The following PIK3C2G variants were observed in gnomAD, a reference collection of about 807,000 sequenced individuals.
PIK3C2G encodes phosphatidylinositol 3-kinase C2 domain-containing subunit gamma.
Under a neutral mutation model 181.1 loss-of-function variants are expected in PIK3C2G, and 168 were observed. That is an observed-to-expected ratio of 0.93 (90% confidence interval 0.82 to 1.05). The LOEUF is 1.05. Among genes scored for constraint, PIK3C2G ranks in the 50% least tolerant of loss-of-function variants. The pLI is 0.00. For synonymous variants in PIK3C2G, 573 were observed against 592.2 expected (o/e 0.97, Z 0.47); for missense variants, 1,869 against 1,732.8 (o/e 1.08, Z -1.40).
At chr12:18,340,974 T>C (rs1446474745) in intron 9 of PIK3C2G, among the ~76,000 whole-genome samples, 1 of 152,086 alleles carries the variant, frequency 6.6e-6, no homozygotes, top group Non-Finnish European at 1.5e-5. Context: ...TCCTGACAAA[T>C]ATGAACCACT....
chr12:18,483,764 A>G (rs1196841773), intron 18 of PIK3C2G, among the ~76,000 whole-genome samples: 1 of 152,192 alleles, frequency 6.6e-6, no homozygotes, highest in Non-Finnish European at 1.5e-5. Flanking sequence ...AAAAACAAAG[A>G]AAGTTGGCAT....
intron 18 of PIK3C2G, among the ~76,000 whole-genome samples, chr12:18,456,464 G>A (rs1157735739): frequency 6.6e-6 from 1 of 152,152 alleles, no homozygotes; most frequent in Non-Finnish European, 1.5e-5. Context: ...TTTTATAGAT[G>A]AGCTTGAGGA....
chr12:18,719,085 T>C, the PIK3C2G span, among the ~76,000 whole-genome samples: 3 of 152,200 alleles, frequency 2.0e-5, no homozygotes, highest in African/African-American at 7.2e-5. Context: ...CTTATTAAAA[T>C]AGAGGATCTT....
intron 31 of PIK3C2G, among the ~76,000 whole-genome samples, chr12:18,628,453 C>T (rs1477736262): frequency 1.3e-5 from 2 of 152,036 alleles, no homozygotes; most frequent in Non-Finnish European, 2.9e-5. Context: ...GTGATAAGAA[C>T]AATAGTAGCA....
At chr12:18,399,143 C>T (rs1435039952) in intron 15 of PIK3C2G, among the ~76,000 whole-genome samples, 8 of 143,720 alleles carry the variant, frequency 5.6e-5, no homozygotes, top group Admixed American at 2.1e-4. Context: ...TGCAGTGAGC[C>T]GAGATCCCGC....
At chr12:18,417,823 C>G (rs896457399) in intron 16 of PIK3C2G, among the ~76,000 whole-genome samples, 3 of 151,760 alleles carry the variant, frequency 2.0e-5, no homozygotes, top group African/African-American at 7.3e-5. Flanking sequence ...TGGAACCAAA[C>G]CTGCAATATC....
At chr12:18,449,713 T>C (rs1947244600) in intron 18 of PIK3C2G, among the ~76,000 whole-genome samples, 1 of 152,194 alleles carries the variant, frequency 6.6e-6, no homozygotes, top group Non-Finnish European at 1.5e-5. Context: ...TGATGGGCAT[T>C]TGGGTTGGTT....
At chr12:18,642,716 A>G (rs76967163) in intron 32 of PIK3C2G, among the ~76,000 whole-genome samples, 6,248 of 151,796 alleles carry the variant, frequency 0.041, 425 homozygotes, top group African/African-American at 0.14. Context: ...TATCCTTTTT[A>G]ATACTTTTAA....
chr12:18,341,185 A>C (rs1473090544), intron 9 of PIK3C2G, among the ~76,000 whole-genome samples: 2 of 152,192 alleles, frequency 1.3e-5, no homozygotes, highest in Non-Finnish European at 2.9e-5. Context: ...TATCTTCAAA[A>C]CACTCATTTT....
chr12:18,394,371 A>C (rs1290288387), intron 15 of PIK3C2G, among the ~76,000 whole-genome samples: 2 of 152,142 alleles, frequency 1.3e-5, no homozygotes, highest in African/African-American at 4.8e-5. Context: ...CTAAATGTCT[A>C]GCATATGATC....
At chr12:18,390,028 T>A (rs1320481097) in intron 14 of PIK3C2G, among the ~76,000 whole-genome samples, 1 of 152,208 alleles carries the variant, frequency 6.6e-6, no homozygotes, top group Admixed American at 6.5e-5. Context: ...CTTTCAAGAT[T>A]AATCTTTGTC....
intron 31 of PIK3C2G, among the ~76,000 whole-genome samples, chr12:18,618,257 C>T (rs1046409278): frequency 2.0e-5 from 3 of 152,036 alleles, no homozygotes; most frequent in African/African-American, 7.2e-5. Flanking sequence ...AGAAACGTGG[C>T]CTGTGTTTGC....
the PIK3C2G span, chr12:18,694,778 C>T: frequency 0.023 from 15,916 of 706,764 alleles, 269 homozygotes; most frequent in Middle Eastern, 0.038. Flanking sequence ...ATACTACCCA[C>T]ATATAGTACC....
At chr12:18,446,865 C>CA (rs1213025208) in intron 18 of PIK3C2G, among the ~76,000 whole-genome samples, 1 of 152,000 alleles carries the variant, frequency 6.6e-6, no homozygotes, top group African/African-American at 2.4e-5. Flanking sequence ...AGGCCTTTTT[C>CA]CTTCACTTTT....
At chr12:18,379,449 C>G (rs892817186) in intron 13 of PIK3C2G, among the ~76,000 whole-genome samples, 1 of 151,974 alleles carries the variant, frequency 6.6e-6, no homozygotes, top group Non-Finnish European at 1.5e-5. Context: ...ACCAACATGG[C>G]ACATGTATAC....
the PIK3C2G span, among the ~76,000 whole-genome samples, chr12:18,681,173 C>A: frequency 6.6e-6 from 1 of 151,952 alleles, no homozygotes; most frequent in Admixed American, 6.6e-5. Context: ...TCCACGGCAG[C>A]TCCTAGCAAC....
intron 29 of PIK3C2G, among the ~76,000 whole-genome samples, chr12:18,573,245 T>C (rs964413197): frequency 5.3e-5 from 8 of 152,190 alleles, no homozygotes; most frequent in African/African-American, 1.9e-4. Flanking sequence ...CAATCTGAGA[T>C]TGCCAAAATT....
At chr12:18,383,816 T>C (rs965042345) in intron 14 of PIK3C2G, among the ~76,000 whole-genome samples, 1 of 151,594 alleles carries the variant, frequency 6.6e-6, no homozygotes, top group Non-Finnish European at 1.5e-5. Context: ...TGGGTGTTTT[T>C]TTTTTGAGAC....
chr12:18,268,381 T>G (rs1342972547), intron 1 of PIK3C2G, among the ~76,000 whole-genome samples: 3 of 148,794 alleles, frequency 2.0e-5, no homozygotes, highest in Non-Finnish European at 4.5e-5. Flanking sequence ...GAACCTTGAT[T>G]TTTATTGTTA....
Sources: gnomAD v4.1 joint callset for allele counts (sites outside exome capture counted in the v4.1 genomes callset) on GRCh38, gnomAD v4.1.1 for gene constraint, MANE v1.5 for transcripts, NCBI Gene and HGNC (gene_info 2026-07-23, HGNC 2026-07-21) for gene names.